Variants in MSRA observed in about 807,000 individuals in gnomAD.
MSRA encodes methionine sulfoxide reductase A.
A neutral mutation model predicts 31.3 loss-of-function variants in MSRA; 54 were observed. The ratio of observed to expected loss-of-function variants is 1.73; its 90% CI spans 1.39 to 2.17. The LOEUF (loss-of-function observed/expected upper bound fraction) is 2.17. Ranked by LOEUF, MSRA falls within the 30% of genes most tolerant of loss-of-function variation. MSRA has a pLI of 0.00. For missense variants in MSRA, 507 were observed against 300.9 expected (o/e 1.69, Z -5.07); for synonymous variants, 169 against 116.5 (o/e 1.45, Z -2.90).
intron 2 of MSRA, among the ~76,000 whole-genome samples, chr8:10,213,432 C>CTTTTTTT (rs1198665886): frequency 5.7e-4 from 44 of 76,742 alleles, no homozygotes; most frequent in East Asian, 1.4e-3. Flanking sequence ...ACCACACTTT[C>CTTTTTTT]TTTTTTTTTT....
chr8:10,130,672 T>C (rs576254587), intron 1 of MSRA, among the ~76,000 whole-genome samples: 2 of 152,284 alleles, frequency 1.3e-5, no homozygotes, highest in Non-Finnish European at 2.9e-5. Flanking sequence ...TGAAATTACA[T>C]AGGGAAACCA....
chr8:10,144,005 G>C (rs114350905), intron 1 of MSRA, among the ~76,000 whole-genome samples: 516 of 152,242 alleles, frequency 3.4e-3, no homozygotes, highest in African/African-American at 0.012. Flanking sequence ...ACAGAGCCTC[G>C]TGAGGCTCGT....
chr8:10,067,831 CAA>C (rs914535755), intron 1 of MSRA, among the ~76,000 whole-genome samples: 6 of 139,744 alleles, frequency 4.3e-5, no homozygotes, highest in Non-Finnish European at 7.7e-5. Flanking sequence ...TGTGTCTGTT[CAA>C]ATCTTTTGCC....
chr8:10,290,173 C>T (rs1478540271), intron 3 of MSRA, among the ~76,000 whole-genome samples: 6 of 152,176 alleles, frequency 3.9e-5, no homozygotes, highest in Admixed American at 2.0e-4. Context: ...TAGTAAATGC[C>T]TTCAGCCTTC....
chr8:10,235,896 G>A (rs1413597545), intron 2 of MSRA, among the ~76,000 whole-genome samples: 1 of 152,090 alleles, frequency 6.6e-6, no homozygotes, highest in African/African-American at 2.4e-5. Flanking sequence ...GAACGTAAAT[G>A]ACAAAATCTG....
intron 2 of MSRA, among the ~76,000 whole-genome samples, chr8:10,238,975 GGT>G (rs1812178392): frequency 6.6e-6 from 1 of 152,022 alleles, no homozygotes; most frequent in Non-Finnish European, 1.5e-5. Flanking sequence ...TCAGATATGA[GGT>G]AATATCTGTA....
At chr8:10,253,805 C>G (rs1326841719) in intron 3 of MSRA, among the ~76,000 whole-genome samples, 2 of 152,038 alleles carry the variant, frequency 1.3e-5, no homozygotes, top group Non-Finnish European at 2.9e-5. Flanking sequence ...GTCTTAATTA[C>G]TTCATAATGA....
intron 3 of MSRA, among the ~76,000 whole-genome samples, chr8:10,245,833 G>A (rs969041880): frequency 1.3e-5 from 2 of 152,200 alleles, no homozygotes; most frequent in Admixed American, 6.5e-5. Flanking sequence ...AGTCATATGC[G>A]CTAGCTAGAC....
intron 5 of MSRA, among the ~76,000 whole-genome samples, chr8:10,379,432 C>T (rs1003673280): frequency 6.6e-6 from 1 of 152,232 alleles, no homozygotes; most frequent in African/African-American, 2.4e-5. Context: ...TCGCAGGTGG[C>T]GTCAGCAGAG....
intron 3 of MSRA, among the ~76,000 whole-genome samples, chr8:10,267,693 C>A (rs1212175652): frequency 6.6e-6 from 1 of 152,108 alleles, no homozygotes; most frequent in Non-Finnish European, 1.5e-5. Flanking sequence ...CCCACACCTG[C>A]TGGGGGATCA....
At chr8:10,102,834 A>G (rs373000196) in intron 1 of MSRA, among the ~76,000 whole-genome samples, 8 of 152,066 alleles carry the variant, frequency 5.3e-5, no homozygotes, top group African/African-American at 1.9e-4. Flanking sequence ...TGAGGGTGAA[A>G]TTCAGGCTAC....
At chr8:10,073,281 G>A (rs181786793) in intron 1 of MSRA, among the ~76,000 whole-genome samples, 118 of 152,064 alleles carry the variant, frequency 7.8e-4, no homozygotes, top group African/African-American at 2.4e-3. Flanking sequence ...ATTGAGTTAC[G>A]GTAGTTCCTC....
At chr8:10,236,751 G>A (rs993990639) in intron 2 of MSRA, among the ~76,000 whole-genome samples, 15 of 152,108 alleles carry the variant, frequency 9.9e-5, no homozygotes, top group African/African-American at 2.9e-4. Context: ...TTACTATGTT[G>A]GCCAGGCTGG....
intron 4 of MSRA, among the ~76,000 whole-genome samples, chr8:10,303,858 C>T (rs1277392079): frequency 6.6e-6 from 1 of 152,226 alleles, no homozygotes; most frequent in East Asian, 1.9e-4. Flanking sequence ...AAAATCCTTA[C>T]TAATCCACCC....
At chr8:10,384,622 C>G (rs1278125708) in intron 5 of MSRA, among the ~76,000 whole-genome samples, 3 of 152,218 alleles carry the variant, frequency 2.0e-5, no homozygotes, top group African/African-American at 7.2e-5. Flanking sequence ...TTTCTGGAAG[C>G]TTCCAGGTGT....
chr8:10,135,305 G>C (rs1055268063), intron 1 of MSRA, among the ~76,000 whole-genome samples: 1 of 152,198 alleles, frequency 6.6e-6, no homozygotes, highest in Admixed American at 6.5e-5. Flanking sequence ...CGGTGTTTTT[G>C]CCGTTGAAAC....
At chr8:10,055,499 A>C (rs753027512) in intron 1 of MSRA, among the ~76,000 whole-genome samples, 9 of 152,206 alleles carry the variant, frequency 5.9e-5, no homozygotes, top group Non-Finnish European at 8.8e-5. Flanking sequence ...CACCTGCCGC[A>C]GCAGCAGCAG....
chr8:10,179,846 A>G (rs79901468), intron 1 of MSRA, among the ~76,000 whole-genome samples: 7,334 of 152,192 alleles, frequency 0.048, 206 homozygotes, highest in South Asian at 0.079. Flanking sequence ...CTGGTTTCCT[A>G]CACCTCTCCC....
At chr8:10,061,356 G>A (rs1302286789) in intron 1 of MSRA, among the ~76,000 whole-genome samples, 1 of 152,124 alleles carries the variant, frequency 6.6e-6, no homozygotes, top group Non-Finnish European at 1.5e-5. Flanking sequence ...CTTCAAGGAA[G>A]CATCCTTGAA....
Sources: allele counts gnomAD v4.1 joint callset (sites outside exome capture counted in the v4.1 genomes callset), GRCh38; gene constraint gnomAD v4.1.1; transcripts MANE v1.5; gene names NCBI Gene and HGNC (gene_info 2026-07-23, HGNC 2026-07-21).